The following ROCK2 variants were observed in gnomAD, a reference collection of about 807,000 sequenced individuals.
ROCK2 encodes Rho associated coiled-coil containing protein kinase 2.
Under a neutral mutation model 195.1 loss-of-function variants are expected in ROCK2, and 61 were observed. The ratio of observed to expected loss-of-function variants is 0.31; its 90% CI spans 0.25 to 0.39. ROCK2 has a LOEUF of 0.39. ROCK2 is among the 10% of genes least tolerant of loss of function. The pLI, the probability that ROCK2 is intolerant of heterozygous loss-of-function variation, is 1.00. For missense variants in ROCK2, 1,109 were observed against 1,637.4 expected, an observed-to-expected ratio of 0.68 and a Z score of 5.57; for synonymous variants, 504 against 545.5, an observed-to-expected ratio of 0.92 and a Z score of 1.06.
intron 9 of ROCK2, among the ~76,000 whole-genome samples, chr2:11,219,691 G>A (rs1664561276): frequency 6.6e-6 from 1 of 151,436 alleles, no homozygotes; most frequent in African/African-American, 2.4e-5. Flanking sequence ...CTGGAGTATA[G>A]CGGTACAATC....
At chr2:11,232,409 G>A (rs566826146) in intron 5 of ROCK2, among the ~76,000 whole-genome samples, 1 of 152,288 alleles carries the variant, frequency 6.6e-6, no homozygotes, top group East Asian at 1.9e-4. Context: ...GATTACAGGT[G>A]TGAGCCACCA....
At chr2:11,324,165 G>A (rs1668478549) in intron 1 of ROCK2, among the ~76,000 whole-genome samples, 2 of 152,208 alleles carry the variant, frequency 1.3e-5, no homozygotes, top group African/African-American at 4.8e-5. Context: ...AGCCGGGCAC[G>A]GTGGCTCACG....
At chr2:11,275,557 T>C (rs931121549) in intron 3 of ROCK2, among the ~76,000 whole-genome samples, 2 of 152,180 alleles carry the variant, frequency 1.3e-5, no homozygotes, top group African/African-American at 4.8e-5. Flanking sequence ...TGACCAAGTA[T>C]GATTTATTCC....
intron 1 of ROCK2, among the ~76,000 whole-genome samples, chr2:11,322,827 C>T (rs1486755551): frequency 1.3e-5 from 2 of 152,136 alleles, no homozygotes; most frequent in African/African-American, 4.8e-5. Context: ...TCCTGAGTTA[C>T]GCGTTCCATT....
At chr2:11,196,221 T>C (rs988788582) in intron 27 of ROCK2, among the ~76,000 whole-genome samples, 1 of 152,224 alleles carries the variant, frequency 6.6e-6, no homozygotes, top group African/African-American at 2.4e-5. Context: ...TCATTTAAAC[T>C]GTAATCTCTT....
chr2:11,223,553 C>A (rs1345905821), intron 7 of ROCK2, among the ~76,000 whole-genome samples: 1 of 151,948 alleles, frequency 6.6e-6, no homozygotes, highest in Non-Finnish European at 1.5e-5. Context: ...CTAGAAATGC[C>A]CTTAGTTTTG....
Position 11,198,517 on chromosome 2 carries a change from A to G in ROCK2, c.3073T>C (p.Leu1025=). ...AIKAQFEKQL[L]TERTLKTQAV... is the part of the protein sequence containing the mutation. ...TGAGTTTTGAGTGTTCTTTCTGTTAATAGCTGCTTCTCAAACTGTGCTTTA... is the reference window on the plus strand; with the variant it reads ...TGAGTTTTGAGTGTTCTTTCTGTTAGTAGCTGCTTCTCAAACTGTGCTTTA... The change falls in exon 25 of 33, where the codon TTA becomes CTA. Residue 1025 remains leucine (L), a synonymous_variant. Transcript: ENST00000315872. 6.2e-7 allele frequency: 1 copy of G among 1,612,054 alleles called. No individual in the cohort carries two copies. Among genetic ancestry groups the G allele is most frequent in the Non-Finnish European group, 8.5e-7 (1 of 1,178,822 alleles).
At chr2:11,295,312 G>A (rs1645784723) in intron 1 of ROCK2, among the ~76,000 whole-genome samples, 1 of 151,880 alleles carries the variant, frequency 6.6e-6, no homozygotes, top group Non-Finnish European at 1.5e-5. Flanking sequence ...AGAAACTACT[G>A]GCCAGATAAA....
At chr2:11,264,761 T>G (rs923905099) in intron 3 of ROCK2, among the ~76,000 whole-genome samples, 1 of 151,978 alleles carries the variant, frequency 6.6e-6, no homozygotes, top group South Asian at 2.1e-4. Flanking sequence ...AGAAGTCAGG[T>G]AGAGAATGAA....
In ROCK2 at chr2:11,258,261, C is replaced by T. The variant is rs867522977; in HGVS notation, c.325-8463G>A. ...AAGTGACTGACTGAATGAATAAATTCGAATTCCAAATACTCTAGAGCAGTA... is the reference window on the plus strand; with the variant it reads ...AAGTGACTGACTGAATGAATAAATTTGAATTCCAAATACTCTAGAGCAGTA... On this transcript the variant is annotated intron_variant, in intron 3 of 32. Coordinates refer to ENST00000315872, the MANE Select transcript of ROCK2 (RefSeq NM_004850.5). 2.0e-5 allele frequency among the ~76,000 whole-genome samples: 3 copies of T among 151,236 alleles called. 1 individual carries two copies. The highest frequency in any genetic ancestry group is 4.9e-5 in the African/African-American group (2 of 40,578).
intron 4 of ROCK2, among the ~76,000 whole-genome samples, chr2:11,238,588 C>A (rs528247488): frequency 2.0e-5 from 3 of 152,140 alleles, no homozygotes; most frequent in Non-Finnish European, 4.4e-5. Flanking sequence ...TGGCTCACGC[C>A]GGTAATCCCA....
chr2:11,208,382 C>A lies in ROCK2; in HGVS notation c.2269G>T (p.Ala757Ser). 6.4e-7 allele frequency: 1 copy of A among 1,555,960 alleles called. No individual in the cohort carries two copies. Among genetic ancestry groups the A allele is most frequent in the Non-Finnish European group, 8.7e-7 (1 of 1,143,396 alleles). The change falls in exon 19 of 33, where the codon GCT (alanine) becomes TCT (serine). Residue 757 changes from alanine (A) to serine (S), a missense_variant. By Grantham distance (99) the Ala-to-Ser change is moderately conservative. Around this residue, in one of 6 missense-constraint regions of ROCK2, gnomAD observed 542 missense variants for 672.0 expected, o/e 0.81. Coordinates refer to ENST00000315872, the MANE Select transcript of ROCK2 (RefSeq NM_004850.5). Reference sequence around the variant, plus strand: ...TCTAATAGAGAACATCTTTTCTCAGCTTCTAGCAATAGGTTCTCCACTTTC... The same window carrying A: ...TCTAATAGAGAACATCTTTTCTCAGATTCTAGCAATAGGTTCTCCACTTTC... ...KQKVENLLLE[A>S]EKRCSLLDCD...
chr2:11,184,603 G>C (rs1023385719), intron 32 of ROCK2: 2 of 982,254 alleles, frequency 2.0e-6, no homozygotes, highest in Non-Finnish European at 2.4e-6. Flanking sequence ...GAAAGCCCAA[G>C]TGGCAAACCA....
At position 11,201,129 on chromosome 2, in the gene ROCK2, GC is replaced by G; in HGVS notation, c.2737del (p.Ala913ProfsTer7). 1 of 1,608,180 alleles carries G rather than the reference GC, an allele frequency of 6.2e-7. No homozygotes were observed. The highest frequency in any genetic ancestry group is 8.5e-7 in the Non-Finnish European group (1 of 1,178,192). On this transcript the variant is annotated frameshift_variant, in exon 23 of 33. Coordinates refer to ENST00000315872, the MANE Select transcript of ROCK2 (RefSeq NM_004850.5). LOFTEE classifies it high-confidence loss of function. The surrounding 1 kb of genome is among the most constrained non-coding windows in gnomAD (Gnocchi z 4.6). The stretch of plus-strand genomic sequence containing the variant: ...TTTGGTCAAGGTGATCTCCAGTTGG[GC>G]AGCCAAAGAGTCCCTACATTTTAGC... ...ELQDERDSLA[A>X]QLEITLTKAD... is the part of the protein sequence containing the mutation.
intron 18 of ROCK2, among the ~76,000 whole-genome samples, chr2:11,210,532 G>A (rs541466672): frequency 1.3e-5 from 2 of 152,150 alleles, no homozygotes; most frequent in South Asian, 2.1e-4. Context: ...GTAGAGATAG[G>A]GTCTTGCTAT....
chr2:11,283,609 A>C (rs1289836477), intron 3 of ROCK2, among the ~76,000 whole-genome samples: 2 of 151,452 alleles, frequency 1.3e-5, no homozygotes, highest in Non-Finnish European at 2.9e-5. Flanking sequence ...GAAAAAAAGG[A>C]AAAGATATAC....
chr2:11,299,539 T>C (rs1182497776), intron 1 of ROCK2, among the ~76,000 whole-genome samples: 1 of 151,978 alleles, frequency 6.6e-6, no homozygotes, highest in African/African-American at 2.4e-5. Flanking sequence ...CTCGTAAAAG[T>C]TCCACTAGAA....
In ROCK2 at chr2:11,197,604, A is replaced by G. The variant is rs1177401916; in HGVS notation, c.3201T>C (p.His1067=). The change falls in exon 26 of 33, where the codon CAT becomes CAC. Residue 1067 remains histidine, a synonymous_variant. Coordinates refer to ENST00000315872, the MANE Select transcript of ROCK2 (RefSeq NM_004850.5). The surrounding 1 kb of genome is among the most constrained non-coding windows in gnomAD (Gnocchi z 4.9). ...TCTCACGTTCAGATTTAAGCTCCAT[A>G]TGTAGCTTTCTATTCTCCTTCTCTT... The part of the protein sequence containing the change: ...RRKEKENRKL[H]MELKSEREKL... 2 of 1,613,784 alleles carry G rather than the reference A, an allele frequency of 1.2e-6. No individual in the cohort carries two copies. Among genetic ancestry groups the G allele is most frequent in the Non-Finnish European group, 1.7e-6 (2 of 1,179,848 alleles).
chr2:11,261,193 T>C (rs1198844392), intron 3 of ROCK2, among the ~76,000 whole-genome samples: 1 of 152,220 alleles, frequency 6.6e-6, no homozygotes, highest in Non-Finnish European at 1.5e-5. Context: ...AACCATCAGC[T>C]TGTGGTCTTT....
Sources: allele counts gnomAD v4.1 joint callset (sites outside exome capture counted in the v4.1 genomes callset), GRCh38; gene constraint gnomAD v4.1.1; regional missense constraint gnomAD v4.1.1; non-coding constraint Gnocchi (gnomAD v3.1); transcripts MANE v1.5; gene names NCBI Gene and HGNC (gene_info 2026-07-23, HGNC 2026-07-21).